Variants in LRRIQ3 observed in about 807,000 individuals in gnomAD.
LRRIQ3 encodes the protein leucine-rich repeat and IQ domain-containing protein 3.
A neutral mutation model predicts 59.3 loss-of-function variants in LRRIQ3; 75 were observed. That is an observed-to-expected ratio of 1.26 (90% CI 1.05 to 1.53). The LOEUF (loss-of-function observed/expected upper bound fraction) is 1.53. Among genes scored for constraint, LRRIQ3 ranks in the 40% most tolerant of loss-of-function variants. The probability of loss-of-function intolerance (pLI) is 0.00; values close to 1 mark genes in which losing one functional copy is unlikely to be tolerated. For synonymous variants in LRRIQ3, 250 were observed against 231.3 expected (o/e 1.08, Z -0.73); for missense variants, 831 against 710.0 (o/e 1.17, Z -1.94).
At chr1:74,052,208 C>T (rs1285300551) in intron 6 of LRRIQ3, among the ~76,000 whole-genome samples, 2 of 152,206 alleles carry the variant, frequency 1.3e-5, no homozygotes, top group East Asian at 3.9e-4. Flanking sequence ...TCTTACTAGT[C>T]CGATGTCCAC....
chr1:74,094,996 T>C (rs959113637), intron 5 of LRRIQ3: 1 of 152,120 alleles, frequency 6.6e-6, no homozygotes, highest in African/African-American at 2.4e-5. Flanking sequence ...TTTCTTAGCC[T>C]CTTGTAGCTA....
intron 5 of LRRIQ3, among the ~76,000 whole-genome samples, chr1:74,092,165 G>A (rs547876610): frequency 7.9e-4 from 120 of 152,048 alleles, no homozygotes; most frequent in Non-Finnish European, 1.5e-3. Flanking sequence ...AGTCATTTTG[G>A]GTCATGAGGT....
At chr1:74,170,909 T>C (rs140384128) in intron 3 of LRRIQ3, among the ~76,000 whole-genome samples, 2,085 of 152,272 alleles carry the variant, frequency 0.014, 25 homozygotes, top group Middle Eastern at 0.024. Context: ...TTTATTCCTA[T>C]GTATTTTATT....
chr1:74,136,409 TGGTGG>T (rs1348431925), intron 4 of LRRIQ3, among the ~76,000 whole-genome samples: 3 of 151,988 alleles, frequency 2.0e-5, no homozygotes, highest in Admixed American at 2.0e-4. Flanking sequence ...TCATTCCAGA[TGGTGG>T]CTACACAGAA....
chr1:74,186,262 C>T (rs1051696657), intron 1 of LRRIQ3, among the ~76,000 whole-genome samples: 9 of 151,868 alleles, frequency 5.9e-5, no homozygotes, highest in Non-Finnish European at 1.3e-4. Flanking sequence ...TAGATTCATC[C>T]ACCAGGAATA....
chr1:74,053,177 CAA>C lies in LRRIQ3; in HGVS notation c.998-11246_998-11245del, dbSNP rs11403724. On this transcript the variant is annotated intron_variant, in intron 6 of 7. Coordinates refer to ENST00000354431, the MANE Select transcript of LRRIQ3 (RefSeq NM_001105659.2). ...ATGAAATAACCGGTCCTCCACATGC[CAA>C]AAAAAAAAAAAAAAACAAATTAATC... 4.2e-3 allele frequency among the ~76,000 whole-genome samples: 428 copies of C among 100,940 alleles called. 2 individuals carry two copies. Among genetic ancestry groups the C allele is most frequent in the African/African-American group, 0.017 (406 of 23,454 alleles). 66.2% of individuals were successfully genotyped at this position (100,940 alleles called of 152,430 possible).
chr1:74,047,667 C>T (rs759957317), intron 6 of LRRIQ3, among the ~76,000 whole-genome samples: 3 of 152,028 alleles, frequency 2.0e-5, no homozygotes, highest in Non-Finnish European at 4.4e-5. Flanking sequence ...AGCCAGAAGG[C>T]ACCATGTATA....
chr1:74,049,786 A>G (rs201632538), intron 6 of LRRIQ3, among the ~76,000 whole-genome samples: 2 of 150,886 alleles, frequency 1.3e-5, no homozygotes, highest in East Asian at 3.9e-4. Context: ...TAAAACTTTC[A>G]CTAATGTAAT....
intron 6 of LRRIQ3, among the ~76,000 whole-genome samples, chr1:74,052,486 G>A (rs191162716): frequency 6.6e-6 from 1 of 152,098 alleles, no homozygotes; most frequent in Non-Finnish European, 1.5e-5. Context: ...CACTGAGGAA[G>A]AAATTATAAA....
intron 5 of LRRIQ3, among the ~76,000 whole-genome samples, chr1:74,084,746 T>C (rs902149900): frequency 1.3e-5 from 2 of 151,844 alleles, no homozygotes; most frequent in Middle Eastern, 3.4e-3. Context: ...TAAAAAGGAA[T>C]ATGCCGTAAA....
chr1:74,110,184 CAT>C (rs1377558301), intron 4 of LRRIQ3, among the ~76,000 whole-genome samples: 2 of 151,786 alleles, frequency 1.3e-5, no homozygotes, highest in African/African-American at 4.8e-5. Context: ...TCAAAAACTA[CAT>C]GTTTTCCCTC....
At position 74,164,014 on chromosome 1, in the gene LRRIQ3, G is replaced by A. The variant is rs569048481; in HGVS notation, c.574-8148C>T. On this transcript the variant is annotated intron_variant, in intron 3 of 7. Coordinates refer to ENST00000354431, the MANE Select transcript of LRRIQ3 (RefSeq NM_001105659.2). ...CTAATGATATTGAATATTTTTTCAC[G>A]TGATTACTTTGCCATCTGTATATAC... Among the ~76,000 whole-genome samples the A allele has an allele frequency of 4.0e-5, 6 of 150,880 alleles. No individual in the cohort carries two copies. In the East Asian group the frequency reaches 5.8e-4, roughly 15 times the overall value.
chr1:74,180,187 AAT>A (rs1557656616), intron 3 of LRRIQ3: 1 of 151,784 alleles, frequency 6.6e-6, no homozygotes. Flanking sequence ...AAATTCTTCC[AAT>A]ATGTTTTTTT....
At position 74,026,903 on chromosome 1, in the gene LRRIQ3, T is replaced by G. The variant is rs376423213; in HGVS notation, c.1785A>C (p.Lys595Asn). 1.2e-5 allele frequency: 20 copies of G among 1,603,786 alleles called. No individual in the cohort carries two copies. The highest frequency in any genetic ancestry group is 4.0e-5 in the African/African-American group (3 of 74,518). Residue 595 changes from lysine (K) to asparagine (N), a missense_variant, in exon 8 of 8, where the codon AAA (lysine) becomes AAC (asparagine). Transcript: ENST00000354431. Reference sequence around the variant, plus strand: ...TAGCATCTTGAAGTCTTTCACAGGCTTTTTCAAAGGCAATCATATCCATAA... The same window carrying G: ...TAGCATCTTGAAGTCTTTCACAGGCGTTTTCAAAGGCAATCATATCCATAA... ...KFVMDMIAFE[K>N]ACERLQDAKT...
At chr1:74,169,494 C>G (rs1649191791) in intron 3 of LRRIQ3, among the ~76,000 whole-genome samples, 1 of 152,080 alleles carries the variant, frequency 6.6e-6, no homozygotes, top group Non-Finnish European at 1.5e-5. Context: ...CATAATGTTT[C>G]CATAATAGCT....
At chr1:74,173,731 T>A (rs1218795718) in intron 3 of LRRIQ3, among the ~76,000 whole-genome samples, 1 of 152,036 alleles carries the variant, frequency 6.6e-6, no homozygotes, top group African/African-American at 2.4e-5. Context: ...CAATAAAAAA[T>A]AATAATAATA....
At chr1:74,052,293 T>C (rs1410085555) in intron 6 of LRRIQ3, among the ~76,000 whole-genome samples, 3 of 152,104 alleles carry the variant, frequency 2.0e-5, no homozygotes, top group African/African-American at 7.2e-5. Context: ...GGATAGTAGT[T>C]AGGGTGAAAA....
chr1:74,102,236 G>A (rs1170451753), intron 5 of LRRIQ3, among the ~76,000 whole-genome samples: 5 of 151,926 alleles, frequency 3.3e-5, no homozygotes, highest in Non-Finnish European at 5.9e-5. Context: ...TACTGATACA[G>A]TATTATCTTC....
intron 1 of LRRIQ3, among the ~76,000 whole-genome samples, chr1:74,196,890 T>A (rs1342602800): frequency 6.6e-6 from 1 of 152,158 alleles, no homozygotes. Context: ...TCTATTCTCC[T>A]ATCTCCGAGT....
Sources: gnomAD v4.1 joint callset for allele counts (sites outside exome capture counted in the v4.1 genomes callset) on GRCh38, gnomAD v4.1.1 for gene constraint, MANE v1.5 for transcripts, NCBI Gene and HGNC (gene_info 2026-07-23, HGNC 2026-07-21) for gene names.